The following ARHGEF7 variants were observed in gnomAD, a reference collection of about 807,000 sequenced individuals.
The protein encoded by ARHGEF7 is PAK-interacting exchange factor beta.
A neutral mutation model predicts 109.8 loss-of-function variants in ARHGEF7; 33 were observed. The ratio of observed to expected loss-of-function variants is 0.30; its 90% CI spans 0.23 to 0.40. The LOEUF is 0.40. Ranked by LOEUF, ARHGEF7 falls within the 10% of genes least tolerant of loss-of-function variation. The pLI is 1.00. For synonymous variants in ARHGEF7, 458 were observed against 424.6 expected, an observed-to-expected ratio of 1.08 and a Z score of -0.97; for missense variants, 938 against 1,098.5, an observed-to-expected ratio of 0.85 and a Z score of 2.07.
intron 8 of ARHGEF7, among the ~76,000 whole-genome samples, chr13:111,249,784 G>A (rs891704105): frequency 1.9e-4 from 29 of 152,136 alleles, no homozygotes; most frequent in African/African-American, 6.5e-4. Context: ...GGCCATCTGG[G>A]GAGCTATGTG....
In ARHGEF7 at chr13:111,255,832, T is replaced by C. The variant is rs959346312; in HGVS notation, c.950+11538T>C. Among the ~76,000 whole-genome samples, 1 of 152,222 alleles carries C rather than the reference T, an allele frequency of 6.6e-6. No individual in the cohort carries two copies. The highest frequency in any genetic ancestry group is 2.4e-5 in the African/African-American group (1 of 41,456). On this transcript the variant is annotated intron_variant, in intron 8 of 21. Coordinates refer to ENST00000646102, the MANE Select transcript of ARHGEF7 (RefSeq NM_001354046.2). This position sits in a 1 kb window ranked among gnomAD's most constrained non-coding sequence, Gnocchi z 4.1. ...CCTGTGGAAGGTGGGGTCATGGTGC[T>C]TTCTTTTCAGTGCTGCGTTTCTCTT...
chr13:111,272,397 G>A lies in ARHGEF7; in HGVS notation c.1074-1417G>A, dbSNP rs527886918. Among the ~76,000 whole-genome samples the A allele has an allele frequency of 3.9e-5, 6 of 152,280 alleles. No individual in the cohort carries two copies. Among genetic ancestry groups the A allele is most frequent in the African/African-American group, 9.6e-5 (4 of 41,552 alleles). ...GTAGCCAGCTTGGCTGGGGTGGTGC[G>A]GTGGGAGGCTCCTGTGAGACCAGAA... On this transcript the variant is annotated intron_variant, in intron 9 of 21. Transcript: ENST00000646102. This position sits in a 1 kb window ranked among gnomAD's most constrained non-coding sequence, Gnocchi z 5.2.
rs1415262800 is a variant in ARHGEF7 at position 111,266,345 on chromosome 13, TGTC to T, written c.951-1202_951-1200del. Among the ~76,000 whole-genome samples the T allele has an allele frequency of 6.6e-6, 1 of 152,168 alleles. No individual in the cohort carries two copies. The highest frequency in any genetic ancestry group is 2.4e-5 in the African/African-American group (1 of 41,458). The stretch of plus-strand genomic sequence containing the variant: ...CTGGGCTTCTGAATGACTCTGCTGT[TGTC>T]TGGGGCCTCGGTCTTCTTTTGGCCT... On this transcript the variant is annotated intron_variant, in intron 8 of 21. Coordinates refer to ENST00000646102, the MANE Select transcript of ARHGEF7 (RefSeq NM_001354046.2). This position sits in a 1 kb window ranked among gnomAD's most constrained non-coding sequence, Gnocchi z 4.8.
intron 2 of ARHGEF7, among the ~76,000 whole-genome samples, chr13:111,178,243 TCCTGGGAA>T (rs1213959403): frequency 1.3e-5 from 2 of 152,224 alleles, no homozygotes; most frequent in African/African-American, 4.8e-5. Context: ...TTCCCTTATG[TCCTGGGAA>T]CCAGCGAGAG....
At chr13:111,263,463 TC>T (rs1404231431) in intron 8 of ARHGEF7, among the ~76,000 whole-genome samples, 3 of 152,262 alleles carry the variant, frequency 2.0e-5, no homozygotes, top group Non-Finnish European at 2.9e-5. Context: ...GATTTCCTTT[TC>T]TGAATGGATC....
intron 2 of ARHGEF7, among the ~76,000 whole-genome samples, chr13:111,192,661 C>T (rs12873128): frequency 1.3e-5 from 2 of 152,154 alleles, no homozygotes; most frequent in African/African-American, 2.4e-5. Context: ...TCGACCTTCC[C>T]TGAGGATTGT....
chr13:111,231,091 A>C (rs1421509413), intron 5 of ARHGEF7, among the ~76,000 whole-genome samples: 3 of 152,148 alleles, frequency 2.0e-5, no homozygotes, highest in African/African-American at 7.2e-5. Flanking sequence ...CTTCACCGGC[A>C]CACATGCTGA....
At chr13:111,293,304 A>G in intron 19 of ARHGEF7, 1 of 985,382 alleles carries the variant, frequency 1.0e-6, no homozygotes, top group Non-Finnish European at 1.2e-6. Flanking sequence ...TGGACACATC[A>G]TTATTTTCAG....
At chr13:111,282,882 G>T (rs888015574) in intron 15 of ARHGEF7, 5 of 571,850 alleles carry the variant, frequency 8.7e-6, no homozygotes, top group African/African-American at 7.5e-5. Context: ...TTGAGTGCTG[G>T]GGCCCCAGCT....
chr13:111,212,072 C>G (rs34232578), intron 4 of ARHGEF7, among the ~76,000 whole-genome samples: 47,888 of 152,082 alleles, frequency 0.31, 8,582 homozygotes, highest in Non-Finnish European at 0.4. Flanking sequence ...TGTCCTCCAG[C>G]CACCACTGCA....
intron 5 of ARHGEF7, 30 bp downstream of exon 5, chr13:111,217,910 C>CT: frequency 6.3e-7 from 1 of 1,581,164 alleles, no homozygotes; most frequent in Non-Finnish European, 8.6e-7. Flanking sequence ...CTGTGTGTGG[C>CT]TTTTTGCGAT....
chr13:111,257,595 G>A lies in ARHGEF7; in HGVS notation c.951-9953G>A, dbSNP rs1261995893. Among the ~76,000 whole-genome samples, 4 of 152,230 alleles carry A rather than the reference G, an allele frequency of 2.6e-5. No homozygotes were observed. In the East Asian group the frequency reaches 5.8e-4, roughly 22 times the overall value. On this transcript the variant is annotated intron_variant, in intron 8 of 21. Transcript: ENST00000646102. ...CACCAAATTGAACAACTCTCCACAC[G>A]AAGAAATACCTTCTTAAGAATCAGA...
At chr13:111,244,511 T>G (rs1346434498) in intron 8 of ARHGEF7, among the ~76,000 whole-genome samples, 1 of 152,182 alleles carries the variant, frequency 6.6e-6, no homozygotes, top group African/African-American at 2.4e-5. Context: ...AATGGTGATT[T>G]TTAAGGTGTT....
chr13:111,188,586 CT>C (rs1414279087), intron 2 of ARHGEF7, among the ~76,000 whole-genome samples: 1 of 152,096 alleles, frequency 6.6e-6, no homozygotes, highest in Non-Finnish European at 1.5e-5. Flanking sequence ...GCATTTGTGT[CT>C]TTTTTTCTTG....
intron 20 of ARHGEF7, 54 bp downstream of exon 20, chr13:111,300,901 G>A: frequency 8.3e-7 from 1 of 1,210,708 alleles, no homozygotes; most frequent in Non-Finnish European, 1.2e-6. Context: ...CGGTGGGGTA[G>A]TAGAGTCCAG....
chr13:111,229,868 G>A (rs1014024408), intron 5 of ARHGEF7, among the ~76,000 whole-genome samples: 1 of 152,196 alleles, frequency 6.6e-6, no homozygotes, highest in South Asian at 2.1e-4. Context: ...TCTAGGCTGT[G>A]CCCCCGTCTG....
intron 2 of ARHGEF7, among the ~76,000 whole-genome samples, chr13:111,159,807 T>C (rs1209435735): frequency 6.6e-6 from 1 of 152,240 alleles, no homozygotes; most frequent in Non-Finnish European, 1.5e-5. Context: ...CTTTCCGTTC[T>C]GTGAGTTGTC....
At chr13:111,170,569 C>T (rs2077511943) in intron 2 of ARHGEF7, among the ~76,000 whole-genome samples, 1 of 152,228 alleles carries the variant, frequency 6.6e-6, no homozygotes, top group Admixed American at 6.5e-5. Flanking sequence ...CAAGGCTGCT[C>T]ACTCAAGCCT....
chr13:111,217,313 G>A (rs2083265357), intron 4 of ARHGEF7, among the ~76,000 whole-genome samples: 1 of 152,234 alleles, frequency 6.6e-6, no homozygotes, highest in African/African-American at 2.4e-5. Context: ...TAGTCATATA[G>A]CATAACATTA....
Sources: allele counts gnomAD v4.1 joint callset (sites outside exome capture counted in the v4.1 genomes callset), GRCh38; gene constraint gnomAD v4.1.1; non-coding constraint Gnocchi (gnomAD v3.1); transcripts MANE v1.5; gene names NCBI Gene and HGNC (gene_info 2026-07-23, HGNC 2026-07-21).